Variants in ACYP2 observed in about 807,000 individuals in gnomAD.
The protein encoded by ACYP2 is acylphosphatase-2.
In ACYP2, 12 loss-of-function variants were observed where a neutral mutation model predicts 11.2. That is an observed-to-expected ratio of 1.08 (90% CI 0.69 to 1.74). ACYP2 has a LOEUF of 1.74. Ranked by LOEUF, ACYP2 falls within the 40% of genes most tolerant of loss-of-function variation. The pLI, the probability that ACYP2 is intolerant of heterozygous loss-of-function variation, is 0.00. For synonymous variants in ACYP2, 43 were observed against 32.2 expected, an observed-to-expected ratio of 1.33 and a Z score of -1.13; for missense variants, 134 against 101.9, an observed-to-expected ratio of 1.31 and a Z score of -1.35.
In ACYP2 at chr2:54,219,302, CT is replaced by C. The variant is rs536443105; in HGVS notation, c.404+80563del. 1.6e-3 allele frequency among the ~76,000 whole-genome samples: 243 copies of C among 151,340 alleles called. 2 individuals carry two copies. The highest frequency in any genetic ancestry group is 5.9e-3 in the African/African-American group (242 of 41,230). On this transcript the variant is annotated intron_variant, in intron 6 of 6. Coordinates refer to ENST00000607452, the MANE Select transcript of ACYP2 (RefSeq NM_001320586.2). ...GTGCTTGTTTTGCAAGTGAGAAGCA[CT>C]TTTTTTTTGTTTTTGAATCATTAGA...
chr2:54,250,753 T>C (rs749044749), intron 6 of ACYP2, among the ~76,000 whole-genome samples: 4 of 152,370 alleles, frequency 2.6e-5, no homozygotes, highest in East Asian at 1.9e-4. Context: ...AATACATTGC[T>C]GTATACAGAA....
At chr2:54,262,910 G>C (rs1687844865) in intron 6 of ACYP2, among the ~76,000 whole-genome samples, 1 of 152,128 alleles carries the variant, frequency 6.6e-6, no homozygotes, top group Non-Finnish European at 1.5e-5. Flanking sequence ...GTAGGAGTAA[G>C]ATTTATGTAT....
chr2:54,061,043 C>T (rs577689911), intron 4 of ACYP2, among the ~76,000 whole-genome samples: 2 of 152,060 alleles, frequency 1.3e-5, no homozygotes, highest in Admixed American at 1.3e-4. Context: ...TTCATAGAGG[C>T]ATGGTCTCCC....
At chr2:54,224,729 G>C (rs1448009238) in intron 6 of ACYP2, among the ~76,000 whole-genome samples, 1 of 152,048 alleles carries the variant, frequency 6.6e-6, no homozygotes, top group South Asian at 2.1e-4. Flanking sequence ...CGTCTGCCTA[G>C]GCATTTGGCT....
chr2:54,277,912 C>T (rs1460123326), intron 6 of ACYP2, among the ~76,000 whole-genome samples: 3 of 151,966 alleles, frequency 2.0e-5, no homozygotes, highest in Non-Finnish European at 4.4e-5. Flanking sequence ...TTCAAATGTA[C>T]CCAAAAAGAG....
At chr2:54,224,395 T>C (rs530557949) in intron 6 of ACYP2, among the ~76,000 whole-genome samples, 1 of 152,344 alleles carries the variant, frequency 6.6e-6, no homozygotes, top group South Asian at 2.1e-4. Context: ...GTTGTCCCCC[T>C]ACCCAAAGGT....
chr2:54,150,501 A>G (rs895620999), intron 6 of ACYP2, among the ~76,000 whole-genome samples: 18 of 152,032 alleles, frequency 1.2e-4, no homozygotes, highest in Admixed American at 3.3e-4. Context: ...GGCTCATTGT[A>G]GTCTCTGCCT....
At chr2:54,022,623 T>C (rs911039277) in intron 2 of ACYP2, among the ~76,000 whole-genome samples, 4 of 152,072 alleles carry the variant, frequency 2.6e-5, no homozygotes, top group African/African-American at 9.7e-5. Context: ...CAAGCAACCC[T>C]CCCACCTCAG....
chr2:54,260,017 T>C (rs1687711505), intron 6 of ACYP2, among the ~76,000 whole-genome samples: 1 of 152,048 alleles, frequency 6.6e-6, no homozygotes, highest in Non-Finnish European at 1.5e-5. Flanking sequence ...ATAAAACTAA[T>C]GATGTAAGAG....
intron 6 of ACYP2, among the ~76,000 whole-genome samples, chr2:54,265,596 A>C (rs1290612745): frequency 6.6e-6 from 1 of 152,246 alleles, no homozygotes; most frequent in Admixed American, 6.5e-5. Flanking sequence ...GACTTTGGGC[A>C]AACGCTTAAC....
intron 6 of ACYP2, among the ~76,000 whole-genome samples, chr2:54,281,896 AT>A (rs1486972522): frequency 6.6e-6 from 1 of 152,168 alleles, no homozygotes; most frequent in Admixed American, 6.5e-5. Flanking sequence ...TCAGCTAATT[AT>A]TTTTTTAGAA....
chr2:54,113,746 A>T (rs1253005970), intron 4 of ACYP2, among the ~76,000 whole-genome samples: 1 of 152,178 alleles, frequency 6.6e-6, no homozygotes, highest in East Asian at 1.9e-4. Flanking sequence ...GAGTAGACCC[A>T]AGAGAAGAGG....
chr2:54,153,975 C>T (rs974513533), intron 6 of ACYP2, among the ~76,000 whole-genome samples: 1 of 151,742 alleles, frequency 6.6e-6, no homozygotes, highest in South Asian at 2.1e-4. Flanking sequence ...TTTATGTCTT[C>T]TTCAATTTCT....
intron 6 of ACYP2, among the ~76,000 whole-genome samples, chr2:54,156,123 G>C (rs1048136185): frequency 6.6e-6 from 1 of 152,120 alleles, no homozygotes; most frequent in African/African-American, 2.4e-5. Context: ...GTTGCTGTTG[G>C]ATGGAAAATT....
chr2:54,233,940 A>C (rs926998677), intron 6 of ACYP2, among the ~76,000 whole-genome samples: 1 of 152,216 alleles, frequency 6.6e-6, no homozygotes, highest in Admixed American at 6.5e-5. Flanking sequence ...ATCCCTAAAG[A>C]ACTGAGGGTC....
At chr2:53,973,893 GTGTGTGTGTATA>G (rs1378008378) in intron 2 of ACYP2, 3 of 68,460 alleles carry the variant, frequency 4.4e-5, no homozygotes, top group African/African-American at 2.5e-4. Flanking sequence ...GTGTGTGTGT[GTGTGTGTGTATA>G]TATTTTTTTT....
intron 4 of ACYP2, among the ~76,000 whole-genome samples, chr2:54,103,681 A>G (rs1021284058): frequency 5.9e-5 from 9 of 152,136 alleles, no homozygotes; most frequent in Non-Finnish European, 1.3e-4. Flanking sequence ...TTCTTCTAAC[A>G]TGTTTATGAC....
intron 4 of ACYP2, among the ~76,000 whole-genome samples, chr2:54,078,135 T>C (rs1382120726): frequency 2.0e-5 from 3 of 151,922 alleles, no homozygotes; most frequent in Admixed American, 6.6e-5. Flanking sequence ...TTAGTAGACA[T>C]GGGGTTTCAC....
At chr2:53,974,147 C>CT (rs1251877244) in intron 2 of ACYP2, among the ~76,000 whole-genome samples, 2 of 151,786 alleles carry the variant, frequency 1.3e-5, no homozygotes, top group African/African-American at 2.4e-5. Flanking sequence ...AACTCCTGAC[C>CT]TCGTGATCCG....
Sources: gnomAD v4.1 joint callset for allele counts (sites outside exome capture counted in the v4.1 genomes callset) on GRCh38, gnomAD v4.1.1 for gene constraint, MANE v1.5 for transcripts, NCBI Gene and HGNC (gene_info 2026-07-23, HGNC 2026-07-21) for gene names.